Variants in SYN3 observed in about 807,000 individuals in gnomAD.
SYN3 encodes the protein synapsin III, also known as synapsin-3.
SYN3 carries 35 observed loss-of-function variants against 65.8 expected under a neutral mutation model. The observed-to-expected ratio is 0.53, with a 90% confidence interval of 0.41 to 0.70. SYN3 has a LOEUF of 0.70. Ranked by LOEUF, SYN3 falls within the 30% of genes least tolerant of loss-of-function variation. The probability of loss-of-function intolerance (pLI) is 0.00; values close to 1 mark genes in which losing one functional copy is unlikely to be tolerated. For missense variants in SYN3, 680 were observed against 749.0 expected (o/e 0.91, Z 1.08); for synonymous variants, 270 against 292.9 (o/e 0.92, Z 0.80).
chr22:32,901,633 G>C (rs536012021), intron 4 of SYN3, among the ~76,000 whole-genome samples: 4 of 152,126 alleles, frequency 2.6e-5, no homozygotes, highest in Middle Eastern at 3.2e-3. Context: ...CCATAGCCTC[G>C]TGTAGATGTT....
rs377757789 is a variant in SYN3, at chr22:32,717,130, T to G, written c.712-120394A>C. Among the ~76,000 whole-genome samples, 4 of 152,260 alleles carry G rather than the reference T, an allele frequency of 2.6e-5. 1 individual carries two copies. The highest frequency in any genetic ancestry group is 9.6e-5 in the African/African-American group (4 of 41,542). ...ACCCTGCAAGGTAACTATCTGCCCT[T>G]TACACATGAAGAAACTGAGGTTAAG... On this transcript the variant is annotated intron_variant, in intron 6 of 13. Coordinates refer to ENST00000358763, the MANE Select transcript of SYN3 (RefSeq NM_003490.4).
At position 32,977,710 on chromosome 22, in the gene SYN3, C is replaced by T. The variant is rs55756736; in HGVS notation, c.369+2935G>A. Among the ~76,000 whole-genome samples, 1,040 of 149,142 alleles carry T rather than the reference C, an allele frequency of 7.0e-3. 9 individuals carry two copies. Among genetic ancestry groups the T allele is most frequent in the South Asian group, 0.034 (161 of 4,668 alleles). On this transcript the variant is annotated intron_variant, in intron 3 of 13. Transcript: ENST00000358763. ...AGTGAGCCGAGATTGCGCCACTGCACTCCAGCCTGGCGACAGGGTGAGACT... is the reference window on the plus strand; with the variant it reads ...AGTGAGCCGAGATTGCGCCACTGCATTCCAGCCTGGCGACAGGGTGAGACT...
chr22:32,976,893 G>A (rs907548156), intron 3 of SYN3, among the ~76,000 whole-genome samples: 2 of 152,112 alleles, frequency 1.3e-5, no homozygotes, highest in Admixed American at 6.5e-5. Context: ...TTTGGCCCTT[G>A]GTTGGGAGAC....
chr22:33,058,100 G>C (rs1229296122), intron 1 of SYN3, among the ~76,000 whole-genome samples, 192 bp downstream of exon 1: 1 of 152,048 alleles, frequency 6.6e-6, no homozygotes, highest in African/African-American at 2.4e-5. Context: ...CGGCAGCCTG[G>C]GGAGACACCG....
At chr22:32,615,478 G>T (rs532044453) in intron 6 of SYN3, among the ~76,000 whole-genome samples, 34 of 146,334 alleles carry the variant, frequency 2.3e-4, no homozygotes, top group African/African-American at 8.7e-4. Context: ...ACTACAGATG[G>T]AGAAATGGAG....
intron 2 of SYN3, among the ~76,000 whole-genome samples, chr22:33,000,935 A>C (rs113808510): frequency 1.4e-4 from 22 of 152,288 alleles, no homozygotes; most frequent in African/African-American, 4.8e-4. Context: ...TCTTCAGGAC[A>C]GGACCGAGAC....
intron 2 of SYN3, among the ~76,000 whole-genome samples, chr22:32,993,749 T>C (rs891981408): frequency 6.6e-6 from 1 of 151,838 alleles, no homozygotes; most frequent in African/African-American, 2.4e-5. Context: ...TTGGGGGCCA[T>C]GCTCCTAGGC....
chr22:32,684,578 T>C (rs1158111596), intron 6 of SYN3, among the ~76,000 whole-genome samples: 1 of 152,248 alleles, frequency 6.6e-6, no homozygotes, highest in African/African-American at 2.4e-5. Context: ...CTCTTTACAA[T>C]GCAAGGCACT....
intron 7 of SYN3, among the ~76,000 whole-genome samples, chr22:32,562,421 G>A (rs1025528435): frequency 6.6e-6 from 1 of 152,152 alleles, no homozygotes; most frequent in Non-Finnish European, 1.5e-5. Flanking sequence ...CTGAGAACTC[G>A]ACCTTTAGTC....
intron 6 of SYN3, among the ~76,000 whole-genome samples, chr22:32,808,118 C>T (rs576552433): frequency 6.6e-6 from 1 of 152,078 alleles, no homozygotes; most frequent in Non-Finnish European, 1.5e-5. Flanking sequence ...TGGAGTAATT[C>T]GGTTGAAGAT....
At chr22:32,899,614 A>T (rs2049702488) in intron 4 of SYN3, among the ~76,000 whole-genome samples, 1 of 152,210 alleles carries the variant, frequency 6.6e-6, no homozygotes, top group Non-Finnish European at 1.5e-5. Context: ...TAATTAGGAA[A>T]AAGGGTTATT....
rs2048772251 is a variant in SYN3, at chr22:32,869,188, C to T, written c.462-63G>A. On this transcript the variant is annotated intron_variant, in intron 4 of 13. Coordinates refer to ENST00000358763, the MANE Select transcript of SYN3 (RefSeq NM_003490.4). ...TTGATGAAACACCAGGGCATCCGGC[C>T]ACAGCTTGCTGGGGATGATAGCACT... The T allele has an allele frequency of 1.9e-6, 3 of 1,567,744 alleles. No individual in the cohort carries two copies. The Admixed American group carries it at 5.1e-5, about 27-fold the overall frequency.
In SYN3 at chr22:32,510,442, A is replaced by G. The variant is rs1474643351; in HGVS notation, c.*3250T>C. Among the ~76,000 whole-genome samples, 1 of 152,154 alleles carries G rather than the reference A, an allele frequency of 6.6e-6. No homozygotes were observed. Among genetic ancestry groups the G allele is most frequent in the Non-Finnish European group, 1.5e-5 (1 of 68,030 alleles). On this transcript the variant is annotated 3_prime_UTR_variant, in exon 14 of 14. Transcript: ENST00000358763. Reference sequence around the variant, plus strand: ...TGTATGTTTTGAGCTGTCTTTTATTACTAAGTGAAAACTGGGTGAGATTGT... The same window carrying G: ...TGTATGTTTTGAGCTGTCTTTTATTGCTAAGTGAAAACTGGGTGAGATTGT...
chr22:32,538,351 A>C (rs1437613634), intron 8 of SYN3, among the ~76,000 whole-genome samples: 1 of 152,134 alleles, frequency 6.6e-6, no homozygotes, highest in African/African-American at 2.4e-5. Context: ...TTTGAAATTG[A>C]AAGATTAAAT....
chr22:32,855,292 T>C (rs137484), intron 6 of SYN3, among the ~76,000 whole-genome samples: 5,294 of 152,308 alleles, frequency 0.035, 142 homozygotes, highest in Non-Finnish European at 0.055. Flanking sequence ...CAAAGCGGAC[T>C]CAGCTTCTGT....
chr22:32,851,502 G>A (rs1043458091), intron 6 of SYN3, among the ~76,000 whole-genome samples: 1 of 152,126 alleles, frequency 6.6e-6, no homozygotes, highest in Non-Finnish European at 1.5e-5. Flanking sequence ...AGGCTGGTGG[G>A]CTTAGAAGAC....
intron 13 of SYN3, chr22:32,514,364 G>C (rs2057736119): frequency 6.6e-6 from 1 of 152,398 alleles, no homozygotes; most frequent in Admixed American, 6.5e-5. Context: ...GTAGAGCGAA[G>C]GGTTTGTCCT....
intron 7 of SYN3, among the ~76,000 whole-genome samples, chr22:32,572,431 C>CT (rs2058785025): frequency 8.5e-6 from 1 of 117,102 alleles, no homozygotes; most frequent in Non-Finnish European, 1.7e-5. Flanking sequence ...TTCTTCCTTC[C>CT]TTCCTTCCCT....
intron 2 of SYN3, among the ~76,000 whole-genome samples, chr22:32,990,722 C>A (rs1338606205): frequency 6.6e-6 from 1 of 152,124 alleles, no homozygotes; most frequent in Non-Finnish European, 1.5e-5. Flanking sequence ...AATCCACAGT[C>A]TTGTTTTGTT....
Sources: allele counts gnomAD v4.1 joint callset (sites outside exome capture counted in the v4.1 genomes callset), GRCh38; gene constraint gnomAD v4.1.1; transcripts MANE v1.5; gene names NCBI Gene and HGNC (gene_info 2026-07-23, HGNC 2026-07-21).